The following NCAM2 variants were observed in gnomAD, a reference collection of about 807,000 sequenced individuals.
NCAM2 encodes N-CAM-2.
Under a neutral mutation model 98.1 loss-of-function variants are expected in NCAM2, and 30 were observed. The ratio of observed to expected loss-of-function variants is 0.31; its 90% CI spans 0.23 to 0.41. The LOEUF (loss-of-function observed/expected upper bound fraction) is 0.41, where lower values mean the gene tolerates loss of function less well. NCAM2 is among the 10% of genes least tolerant of loss of function. The pLI, the probability that NCAM2 is intolerant of heterozygous loss-of-function variation, is 1.00. For synonymous variants in NCAM2, 368 were observed against 342.4 expected (o/e 1.07, Z -0.83); for missense variants, 867 against 1,005.8 (o/e 0.86, Z 1.87).
intron 15 of NCAM2, among the ~76,000 whole-genome samples, chr21:21,478,471 A>C (rs1985445890): frequency 1.3e-5 from 2 of 151,968 alleles, no homozygotes; most frequent in Non-Finnish European, 1.5e-5. Context: ...TTGTAATTTC[A>C]AATTGATGTT....
chr21:21,532,001 A>G lies in NCAM2; in HGVS notation c.2283-2536A>G, dbSNP rs945160853. Among the ~76,000 whole-genome samples, 201 of 151,660 alleles carry G rather than the reference A, an allele frequency of 1.3e-3. 1 individual carries two copies. Among genetic ancestry groups the G allele is most frequent in the Non-Finnish European group, 1.1e-3 (76 of 67,874 alleles). Reference sequence around the variant, plus strand: ...GAGCAAGACTCCGTCTCAAAAAAAAAGAAAAATATTATATATATATCTTAC... The same window carrying G: ...GAGCAAGACTCCGTCTCAAAAAAAAGGAAAAATATTATATATATATCTTAC... On this transcript the variant is annotated intron_variant, in intron 16 of 17. Transcript: ENST00000400546.
rs61325994 is a variant in NCAM2, at chr21:21,049,013, A to ATTTTTTTTTTT, written c.55+50401_55+50411dup. ...TATTTACTATTTATATTTACTATTAATTTTTTTTTTTTTTTTGAGACGGAG... is the reference window on the plus strand; with the variant it reads ...TATTTACTATTTATATTTACTATTAATTTTTTTTTTTTTTTTTTTTTTTTTTTGAGACGGAG... On this transcript the variant is annotated intron_variant, in intron 1 of 17. Coordinates refer to ENST00000400546, the MANE Select transcript of NCAM2 (RefSeq NM_004540.5). 2.5e-3 allele frequency among the ~76,000 whole-genome samples: 332 copies of ATTTTTTTTTTT among 133,422 alleles called. 8 individuals carry two copies. Among genetic ancestry groups the ATTTTTTTTTTT allele is most frequent in the African/African-American group, 9.0e-3 (319 of 35,568 alleles). The allele number at this position is 133,422 out of a possible 152,430, so 87.5% of individuals were successfully genotyped here. A position where few individuals can be genotyped will look rare whatever the true frequency, so the allele number is the denominator to read the frequency against.
intron 1 of NCAM2, among the ~76,000 whole-genome samples, chr21:21,185,825 T>G (rs1298232242): frequency 6.6e-6 from 1 of 152,028 alleles, no homozygotes; most frequent in Non-Finnish European, 1.5e-5. Context: ...TGCATAAAAG[T>G]GGGTAATTTT....
intron 1 of NCAM2, among the ~76,000 whole-genome samples, chr21:21,227,328 A>G (rs1431778164): frequency 6.6e-6 from 1 of 151,892 alleles, no homozygotes; most frequent in African/African-American, 2.4e-5. Flanking sequence ...AAGAAAAGGT[A>G]GTTACTATAA....
At chr21:21,265,015 T>TTATATATGTGTATATATATACACATA in intron 1 of NCAM2, among the ~76,000 whole-genome samples, 6 of 19,662 alleles carry the variant, frequency 3.1e-4, no homozygotes, top group African/African-American at 8.0e-4. Flanking sequence ...CACATATATA[T>TTATATATGTGTATATATATACACATA]TATATATGTG....
intron 1 of NCAM2, among the ~76,000 whole-genome samples, chr21:21,205,888 C>T (rs1018530977): frequency 3.9e-5 from 6 of 152,026 alleles, no homozygotes; most frequent in Admixed American, 2.6e-4. Context: ...CTAGGTAGCT[C>T]TCTGTGGCTT....
chr21:21,008,537 C>G (rs1463100121), intron 1 of NCAM2, among the ~76,000 whole-genome samples: 1 of 152,076 alleles, frequency 6.6e-6, no homozygotes, highest in African/African-American at 2.4e-5. Context: ...ATTACTTGCC[C>G]AAATAGAATG....
intron 1 of NCAM2, among the ~76,000 whole-genome samples, chr21:21,011,009 T>C (rs1460230917): frequency 2.0e-5 from 3 of 152,056 alleles, no homozygotes; most frequent in Non-Finnish European, 2.9e-5. Context: ...TCTAATATAG[T>C]TTCATGCATA....
At chr21:21,325,817 G>A (rs1017517603) in intron 6 of NCAM2, among the ~76,000 whole-genome samples, 11 of 152,044 alleles carry the variant, frequency 7.2e-5, no homozygotes, top group Admixed American at 2.0e-4. Flanking sequence ...AATAATATGA[G>A]CAGGAAATTG....
chr21:21,521,288 T>C (rs1989001630), intron 16 of NCAM2, among the ~76,000 whole-genome samples: 1 of 152,132 alleles, frequency 6.6e-6, no homozygotes, highest in African/African-American at 2.4e-5. Context: ...CATGGGATGA[T>C]AGTCTCTTCT....
intron 1 of NCAM2, among the ~76,000 whole-genome samples, chr21:21,102,885 C>T (rs2066274071): frequency 6.6e-6 from 1 of 152,058 alleles, no homozygotes; most frequent in African/African-American, 2.4e-5. Flanking sequence ...AAACTCTCCT[C>T]TATAATTATG....
intron 9 of NCAM2, among the ~76,000 whole-genome samples, chr21:21,384,561 A>G (rs1291489340): frequency 2.6e-5 from 4 of 151,966 alleles, no homozygotes; most frequent in Non-Finnish European, 5.9e-5. Context: ...CTTTTGCTAC[A>G]TATAAGAATA....
intron 16 of NCAM2, among the ~76,000 whole-genome samples, chr21:21,525,044 T>C (rs532335021): frequency 6.6e-6 from 1 of 152,086 alleles, no homozygotes; most frequent in Non-Finnish European, 1.5e-5. Context: ...TGAATACATA[T>C]ATTAGAATAT....
At chr21:21,319,409 AAC>A (rs2074312384) in intron 5 of NCAM2, among the ~76,000 whole-genome samples, 1 of 152,148 alleles carries the variant, frequency 6.6e-6, no homozygotes, top group Non-Finnish European at 1.5e-5. Flanking sequence ...TTGGGAGGCC[AAC>A]ACAGGTGGAT....
intron 10 of NCAM2, among the ~76,000 whole-genome samples, chr21:21,415,680 A>G (rs1328332613): frequency 3.3e-5 from 5 of 152,136 alleles, no homozygotes; most frequent in Non-Finnish European, 7.3e-5. Context: ...CTACATCAGC[A>G]CTTGCTGCTC....
At chr21:21,433,061 AGAGG>A (rs1453386356) in intron 12 of NCAM2, among the ~76,000 whole-genome samples, 1 of 152,212 alleles carries the variant, frequency 6.6e-6, no homozygotes, top group African/African-American at 2.4e-5. Flanking sequence ...TGAGAAAGAA[AGAGG>A]GAACCAATTC....
At chr21:21,098,017 T>G (rs967038238) in intron 1 of NCAM2, among the ~76,000 whole-genome samples, 1 of 26,890 alleles carries the variant, frequency 3.7e-5, no homozygotes, top group African/African-American at 5.9e-5. Flanking sequence ...CGAAATACAA[T>G]GAAAAGAATT....
intron 1 of NCAM2, among the ~76,000 whole-genome samples, chr21:21,212,027 C>T (rs2069676619): frequency 6.6e-6 from 1 of 152,124 alleles, no homozygotes; most frequent in South Asian, 2.1e-4. Context: ...TGTACAAATA[C>T]CCATATAACC....
intron 1 of NCAM2, among the ~76,000 whole-genome samples, chr21:21,254,328 C>T (rs144868412): frequency 7.9e-5 from 12 of 152,274 alleles, no homozygotes; most frequent in Non-Finnish European, 1.2e-4. Context: ...TAAGTCGCAA[C>T]GCCAGCCTAT....
Sources: gnomAD v4.1 joint callset for allele counts (sites outside exome capture counted in the v4.1 genomes callset) on GRCh38, gnomAD v4.1.1 for gene constraint, MANE v1.5 for transcripts, NCBI Gene and HGNC (gene_info 2026-07-23, HGNC 2026-07-21) for gene names.